Variants in ZNF557 observed in about 807,000 individuals in gnomAD.
ZNF557 encodes zinc finger protein 557, also known as CTB-25J19.9.
In ZNF557, 19 loss-of-function variants were observed where a neutral mutation model predicts 21.2. That is an observed-to-expected ratio of 0.90 (90% CI 0.63 to 1.32). The LOEUF (loss-of-function observed/expected upper bound fraction) is 1.32, where lower values mean the gene tolerates loss of function less well. Among genes scored for constraint, ZNF557 ranks in the 40% most tolerant of loss-of-function variants. The probability of loss-of-function intolerance (pLI) is 0.00; values close to 1 mark genes in which losing one functional copy is unlikely to be tolerated. For synonymous variants in ZNF557, 207 were observed against 194.8 expected (o/e 1.06, Z -0.52); for missense variants, 487 against 519.8 (o/e 0.94, Z 0.61).
At chr19:7,081,575 C>T in intron 6 of ZNF557, 120 bp downstream of exon 6, 1 of 701,426 alleles carries the variant, frequency 1.4e-6, no homozygotes, top group South Asian at 1.9e-5. Flanking sequence ...TGCCCCTTTT[C>T]CCAAGAAGGC....
intron 2 of ZNF557, among the ~76,000 whole-genome samples, chr19:7,074,629 A>AGTGGGGG: frequency 6.7e-6 from 1 of 148,834 alleles, no homozygotes; most frequent in African/African-American, 2.5e-5. Context: ...GAGAGTGGGG[A>AGTGGGGG]GTGGGGAGGA....
chr19:7,083,547 C>T lies in ZNF557; in HGVS notation c.1096C>T (p.His366Tyr), dbSNP rs764790786. 1 of 1,614,100 alleles carries T rather than the reference C, an allele frequency of 6.2e-7. No homozygotes were observed. The highest frequency in any genetic ancestry group is 8.5e-7 in the Non-Finnish European group (1 of 1,180,008). Residue 366 changes from histidine (H) to tyrosine (Y), a missense_variant, in exon 8 of 8, where the codon CAC becomes TAC. Physicochemically the swap from His to Tyr is moderately conservative, Grantham distance 83 (BLOSUM62 2). Coordinates refer to ENST00000252840, the MANE Select transcript of ZNF557 (RefSeq NM_024341.3). The part of the protein sequence containing the change: ...SFTNSFSLTI[H>Y]RRIHNGEKSY... ...TACCAATAGCTTTTCTCTTACAATTCACAGGAGAATACATAATGGAGAGAA... is the reference window on the plus strand; with the variant it reads ...TACCAATAGCTTTTCTCTTACAATTTACAGGAGAATACATAATGGAGAGAA...
At chr19:7,073,177 G>T (rs1288968222) in intron 2 of ZNF557, among the ~76,000 whole-genome samples, 2 of 122,736 alleles carry the variant, frequency 1.6e-5, no homozygotes, top group African/African-American at 6.2e-5. Context: ...TTTTGAGATG[G>T]AGTCTTACTC....
intron 6 of ZNF557, 98 bp downstream of exon 6, chr19:7,081,553 G>A (rs1338330048): frequency 3.5e-6 from 3 of 848,140 alleles, no homozygotes; most frequent in African/African-American, 3.4e-5. Flanking sequence ...ATCAGTCAGA[G>A]AACTGTGTAA....
chr19:7,071,215 C>G (rs539438714), intron 2 of ZNF557, among the ~76,000 whole-genome samples: 1 of 151,992 alleles, frequency 6.6e-6, no homozygotes, highest in East Asian at 1.9e-4. Context: ...TTTTTTTCAA[C>G]CTTCCAAGAC....
At chr19:7,075,628 T>G in intron 3 of ZNF557, 27 bp from the exon 4 acceptor site, 1 of 1,610,316 alleles carries the variant, frequency 6.2e-7, no homozygotes, top group Non-Finnish European at 8.5e-7. Flanking sequence ...AGGTGTGGAT[T>G]CCTGGTACTC....
chr19:7,069,817 C>G (rs1977423719), intron 1 of ZNF557, 44 bp downstream of exon 1: 1 of 152,310 alleles, frequency 6.6e-6, no homozygotes, highest in Admixed American at 6.5e-5. Context: ...GGGCCTGCGT[C>G]CCTCCCGGGA....
chr19:7,082,089 G>A (rs1261830232), intron 7 of ZNF557, 37 bp downstream of exon 7: 1 of 1,528,734 alleles, frequency 6.5e-7, no homozygotes. Flanking sequence ...TTTTTTTCAT[G>A]GTAGAATGCC....
Position 7,082,869 on chromosome 19 carries a change from A to C in ZNF557, c.427-9A>C, listed in dbSNP as rs935263821. 6.5e-7 allele frequency: 1 copy of C among 1,548,072 alleles called. No homozygotes were observed. The highest frequency in any genetic ancestry group is 1.4e-5 in the African/African-American group (1 of 72,402). ...TAAATGGTACTTATTGTCATCTCTT[A>C]ATCAATAGGAGAGGAATCATCTTGG... On this transcript the variant is annotated splice_polypyrimidine_tract_variant and intron_variant, in intron 7 of 7. Coordinates refer to ENST00000252840, the MANE Select transcript of ZNF557 (RefSeq NM_024341.3).
intron 2 of ZNF557, among the ~76,000 whole-genome samples, chr19:7,073,279 T>C (rs754029756): frequency 6.6e-6 from 1 of 151,188 alleles, no homozygotes; most frequent in Admixed American, 6.6e-5. Context: ...TCCTCCCAAG[T>C]AGCTGGGATT....
chr19:7,081,943 C>A, intron 6 of ZNF557, 27 bp from the exon 7 acceptor site: 1 of 1,588,362 alleles, frequency 6.3e-7, no homozygotes, highest in Non-Finnish European at 8.6e-7. Context: ...TTTCTATCAA[C>A]TTAAATTTCT....
Position 7,074,996 on chromosome 19 carries a change from G to C in ZNF557, c.-79G>C. 2 of 1,610,196 alleles carry C rather than the reference G, an allele frequency of 1.2e-6. No individual in the cohort carries two copies. The highest frequency in any genetic ancestry group is 1.7e-6 in the Non-Finnish European group (2 of 1,177,914). ...AGAGTGTTCCCCCCATTTCTTCCAG[G>C]GTGCTGTCCTGAGAGCGCTGCGGGA... On this transcript the variant is annotated splice_region_variant and 5_prime_UTR_variant, in exon 3 of 8. Coordinates refer to ENST00000252840, the MANE Select transcript of ZNF557 (RefSeq NM_024341.3).
intron 5 of ZNF557, among the ~76,000 whole-genome samples, chr19:7,077,178 C>G (rs1307599415): frequency 9.8e-6 from 1 of 101,986 alleles, no homozygotes; most frequent in Non-Finnish European, 1.8e-5. Flanking sequence ...CTCTGTTACC[C>G]AGGCTGGAGT....
At chr19:7,076,308 C>T in intron 4 of ZNF557, 73 bp from the exon 5 acceptor site, 2 of 1,613,844 alleles carry the variant, frequency 1.2e-6, no homozygotes, top group Non-Finnish European at 1.7e-6. Context: ...TGGCTCTGTT[C>T]TCCTGGCCCC....
rs1048090463 is a variant in ZNF557, at chr19:7,087,328, G to A, written c.*3584G>A. 2.7e-5 allele frequency: 4 copies of A among 150,604 alleles called. 1 individual carries two copies. Among genetic ancestry groups the A allele is most frequent in the East Asian group, 2.0e-4 (1 of 5,064 alleles). The allele number at this position is 150,604 out of a possible 1,614,324, so 9.3% of individuals were successfully genotyped here. On this transcript the variant is annotated 3_prime_UTR_variant, in exon 8 of 8. Transcript: ENST00000252840. ...GGCCAAGGCAGGCGGATCACCTGAG[G>A]TGGGGAGTTCGAGACCAGCCTGATC...
intron 7 of ZNF557, 151 bp from the exon 8 acceptor site, chr19:7,082,727 A>T (rs1336510218): frequency 1.7e-6 from 1 of 588,624 alleles, no homozygotes; most frequent in African/African-American, 1.9e-5. Context: ...ATTCAAACTG[A>T]CAGAAGCCAT....
At chr19:7,075,547 G>A in intron 3 of ZNF557, 108 bp from the exon 4 acceptor site, 1 of 1,052,344 alleles carries the variant, frequency 9.5e-7, no homozygotes. Context: ...GTGGGTGACT[G>A]TGTATGCATG....
chr19:7,082,237 G>A (rs569012274), intron 7 of ZNF557, among the ~76,000 whole-genome samples, 185 bp downstream of exon 7: 41 of 151,798 alleles, frequency 2.7e-4, no homozygotes, highest in Non-Finnish European at 1.5e-4. Context: ...TGGCCAATAC[G>A]GTGAAACCCC....
At chr19:7,081,883 C>A in intron 6 of ZNF557, 87 bp from the exon 7 acceptor site, 1 of 987,480 alleles carries the variant, frequency 1.0e-6, no homozygotes, top group Non-Finnish European at 1.6e-6. Flanking sequence ...ATTCTGCCTT[C>A]ACTCACGTAT....
Sources: gnomAD v4.1 joint callset for allele counts (sites outside exome capture counted in the v4.1 genomes callset) on GRCh38, gnomAD v4.1.1 for gene constraint, MANE v1.5 for transcripts, NCBI Gene and HGNC (gene_info 2026-07-23, HGNC 2026-07-21) for gene names.